Variants in LRRK1 observed in about 807,000 individuals in gnomAD.
The protein encoded by LRRK1 is leucine-rich repeat serine/threonine-protein kinase 1.
A neutral mutation model predicts 209.1 loss-of-function variants in LRRK1; 113 were observed. The observed-to-expected ratio is 0.54, with a 90% CI of 0.46 to 0.63. LRRK1 has a LOEUF of 0.63. LRRK1 is among the 30% of genes least tolerant of loss of function. The probability of loss-of-function intolerance (pLI) is 0.00; values close to 1 mark genes in which losing one functional copy is unlikely to be tolerated. For synonymous variants in LRRK1, 1,144 were observed against 1,099.7 expected (o/e 1.04, Z -0.80); for missense variants, 2,284 against 2,632.2 (o/e 0.87, Z 2.89).
rs553530620 is a variant in LRRK1 at position 100,984,303 on chromosome 15, A to C, written c.433+604A>C. 2.2e-4 allele frequency among the ~76,000 whole-genome samples: 34 copies of C among 152,336 alleles called. No homozygotes were observed. The South Asian group carries it at 5.4e-3, about 24-fold the overall frequency. ...GGACATTTGTGACAACTGATCAACT[A>C]ATATTGATACCTTCTTACTAACTAA... is the stretch of plus-strand genomic sequence containing the variant. On this transcript the variant is annotated intron_variant, in intron 4 of 33. Transcript: ENST00000388948.
intron 6 of LRRK1, among the ~76,000 whole-genome samples, chr15:101,001,287 G>A (rs559338788): frequency 7.9e-5 from 12 of 152,172 alleles, no homozygotes; most frequent in Admixed American, 2.0e-4. Flanking sequence ...CCTTCAGCTT[G>A]TGGGCGTCGG....
rs900381604 is a variant in LRRK1 at position 101,073,787 on chromosome 15, C to T, written c.*4939C>T. The T allele has an allele frequency of 6.6e-5, 10 of 152,238 alleles. No homozygotes were observed. The highest frequency in any genetic ancestry group is 4.1e-4 in the South Asian group (2 of 4,824). The allele number at this position is 152,238 out of a possible 1,614,324, so 9.4% of individuals were successfully genotyped here. ...TCTCCCTTTTCTTTAAACTTGCCTC[C>T]TTCACTGTAGGCAACCTTCCACTCT... is the stretch of plus-strand genomic sequence containing the variant. On this transcript the variant is annotated 3_prime_UTR_variant, in exon 34 of 34. Transcript: ENST00000388948.
chr15:100,979,685 A>C (rs1389701781), intron 3 of LRRK1, among the ~76,000 whole-genome samples: 1 of 152,222 alleles, frequency 6.6e-6, no homozygotes, highest in Admixed American at 6.5e-5. Context: ...CTTATCTGAC[A>C]AAGGACTCAT....
intron 9 of LRRK1, 55 bp from the exon 10 acceptor site, chr15:101,011,953 C>G: frequency 7.9e-7 from 1 of 1,269,978 alleles, no homozygotes; most frequent in Admixed American, 2.1e-5. Flanking sequence ...TCAAAGGCAC[C>G]ACTGCATTTA....
intron 3 of LRRK1, among the ~76,000 whole-genome samples, chr15:100,978,843 T>C (rs772974401): frequency 1.2e-3 from 181 of 150,520 alleles, no homozygotes; most frequent in Middle Eastern, 3.4e-3. Context: ...ATACCAATGC[T>C]ACATAGTCCC....
chr15:101,075,711 C>A lies in LRRK1; in HGVS notation c.*6863C>A, dbSNP rs557334284. 2.8e-5 allele frequency: 4 copies of A among 143,210 alleles called. No individual in the cohort carries two copies. Among genetic ancestry groups the A allele is most frequent in the Admixed American group, 6.9e-5 (1 of 14,442 alleles). 8.9% of individuals were successfully genotyped at this position (143,210 alleles called of 1,614,324 possible). ...TATCAACCACATTGTTTTGCCTATC[C>A]ACCCCATGGTGTCAAACCCATATAC... is the stretch of plus-strand genomic sequence containing the variant. On this transcript the variant is annotated 3_prime_UTR_variant, in exon 34 of 34. Transcript: ENST00000388948.
intron 11 of LRRK1, among the ~76,000 whole-genome samples, chr15:101,014,930 A>G (rs2033457369): frequency 6.6e-6 from 1 of 152,186 alleles, no homozygotes; most frequent in South Asian, 2.1e-4. Context: ...CTTGTCTCTC[A>G]CTTCAGCCCA....
intron 2 of LRRK1, among the ~76,000 whole-genome samples, chr15:100,943,387 C>T (rs1382783934): frequency 6.6e-6 from 1 of 152,158 alleles, no homozygotes; most frequent in Non-Finnish European, 1.5e-5. Flanking sequence ...ATGAATTAAC[C>T]TAAGTGTTTC....
chr15:100,985,623 G>T (rs1336649747), intron 4 of LRRK1, among the ~76,000 whole-genome samples: 2 of 152,172 alleles, frequency 1.3e-5, no homozygotes, highest in African/African-American at 2.4e-5. Flanking sequence ...AGTTTACTTG[G>T]CAGACAAGTG....
rs145606449 is a variant in LRRK1 at position 101,020,258 on chromosome 15, G to A, written c.1610-795G>A. 4.5e-4 allele frequency among the ~76,000 whole-genome samples: 68 copies of A among 152,130 alleles called. 4 individuals are homozygous for A. The East Asian group carries it at 7.7e-3, about 17-fold the overall frequency. ...CTGTAACCTCTGTGCATACACATGT[G>A]CAGGTGTGGTGTGTGTGCATATAAC... On this transcript the variant is annotated intron_variant, in intron 12 of 33. Transcript: ENST00000388948.
intron 21 of LRRK1, among the ~76,000 whole-genome samples, chr15:101,046,925 A>G (rs533421509): frequency 2.0e-4 from 30 of 152,296 alleles, no homozygotes; most frequent in Non-Finnish European, 3.4e-4. Context: ...GGTGTTTTTC[A>G]AAGTGGGGTT....
At chr15:101,060,182 G>A (rs370886333) in intron 29 of LRRK1, among the ~76,000 whole-genome samples, 32 of 152,286 alleles carry the variant, frequency 2.1e-4, no homozygotes, top group Non-Finnish European at 3.4e-4. Flanking sequence ...GGATGGAACC[G>A]GACTTGACTT....
intron 10 of LRRK1, among the ~76,000 whole-genome samples, 187 bp downstream of exon 10, chr15:101,012,332 G>A (rs1250179116): frequency 3.3e-5 from 5 of 152,228 alleles, no homozygotes; most frequent in Non-Finnish European, 7.3e-5. Flanking sequence ...GTGGACAGCA[G>A]AAGCAGCTGT....
chr15:100,981,499 G>C (rs113583402), intron 3 of LRRK1, among the ~76,000 whole-genome samples: 4 of 152,002 alleles, frequency 2.6e-5, no homozygotes, highest in Admixed American at 1.3e-4. Context: ...CTCTCCTCAC[G>C]TGTCAGACAT....
intron 20 of LRRK1, among the ~76,000 whole-genome samples, chr15:101,031,663 T>A (rs2141107440): frequency 6.6e-6 from 1 of 152,114 alleles, no homozygotes; most frequent in East Asian, 1.9e-4. Context: ...TTTAATTTTA[T>A]AAGAAATCAC....
intron 6 of LRRK1, among the ~76,000 whole-genome samples, chr15:101,006,175 G>A (rs369823452): frequency 3.3e-5 from 5 of 152,156 alleles, no homozygotes; most frequent in East Asian, 1.9e-4. Flanking sequence ...CAGGTGCCCC[G>A]GGTGGGGTTT....
chr15:100,996,214 G>A (rs1323244924), intron 6 of LRRK1, among the ~76,000 whole-genome samples: 1 of 152,238 alleles, frequency 6.6e-6, no homozygotes, highest in Non-Finnish European at 1.5e-5. Context: ...AGAGTTTCGT[G>A]CATTGCAGAG....
chr15:101,043,144 C>T lies in LRRK1; in HGVS notation c.2964-2837C>T, dbSNP rs116068134. The stretch of plus-strand genomic sequence containing the variant: ...GCCATGCAGCACCCAGAGAACACGT[C>T]GCCACTCTGCGTCCTCAGCTCCAGA... On this transcript the variant is annotated intron_variant, in intron 20 of 33. Transcript: ENST00000388948. 2.7e-3 allele frequency among the ~76,000 whole-genome samples: 404 copies of T among 152,336 alleles called. 1 individual carries two copies. Among genetic ancestry groups the T allele is most frequent in the African/African-American group, 8.2e-3 (339 of 41,568 alleles).
chr15:101,000,076 T>G (rs2032615591), intron 6 of LRRK1, among the ~76,000 whole-genome samples: 1 of 152,238 alleles, frequency 6.6e-6, no homozygotes, highest in Non-Finnish European at 1.5e-5. Context: ...TTTTATCTCA[T>G]TCAGTCTTTT....
Sources: allele counts gnomAD v4.1 joint callset (sites outside exome capture counted in the v4.1 genomes callset), GRCh38; gene constraint gnomAD v4.1.1; transcripts MANE v1.5; gene names NCBI Gene and HGNC (gene_info 2026-07-23, HGNC 2026-07-21).